Variants in GRM4 observed in about 807,000 individuals in gnomAD.
GRM4 encodes the protein glutamate metabotropic receptor 4, also known as metabotropic glutamate receptor 4.
GRM4 carries 28 observed loss-of-function variants against 81.7 expected under a neutral mutation model. That is an observed-to-expected ratio of 0.34 (90% CI 0.25 to 0.47). The LOEUF is 0.47. Ranked by LOEUF, GRM4 falls within the 20% of genes least tolerant of loss-of-function variation. The probability of loss-of-function intolerance (pLI) is 1.00; values close to 1 mark genes in which losing one functional copy is unlikely to be tolerated. For missense variants in GRM4, 948 were observed against 1,290.0 expected (o/e 0.73, Z 4.06); for synonymous variants, 488 against 528.8 (o/e 0.92, Z 1.06).
chr6:34,101,657 C>G (rs544832808), intron 2 of GRM4, among the ~76,000 whole-genome samples: 27 of 152,378 alleles, frequency 1.8e-4, no homozygotes, highest in Non-Finnish European at 3.1e-4. Flanking sequence ...GGCTGTCAAA[C>G]TAAGGGCTGA....
In GRM4 at chr6:34,090,486, G is replaced by A. The variant is rs111258430; in HGVS notation, c.736+1397C>T. Among the ~76,000 whole-genome samples, 5 of 152,216 alleles carry A rather than the reference G, an allele frequency of 3.3e-5. No individual in the cohort carries two copies. The highest frequency in any genetic ancestry group is 1.2e-4 in the African/African-American group (5 of 41,552). ...CTGGGCTCTGGGGCTCGGAGGCTCT[G>A]ACACTGTCCGCCAGGGTTCCCAGGT... On this transcript the variant is annotated intron_variant, in intron 3 of 10. Coordinates refer to ENST00000538487, the MANE Select transcript of GRM4 (RefSeq NM_000841.4). This position sits in a 1 kb window ranked among gnomAD's most constrained non-coding sequence, Gnocchi z 5.2.
intron 6 of GRM4, among the ~76,000 whole-genome samples, chr6:34,044,729 GACAT>G (rs138529365): frequency 0.068 from 6,201 of 90,536 alleles, 294 homozygotes; most frequent in African/African-American, 0.13. Flanking sequence ...TACACACACA[GACAT>G]ACATACATAC....
Position 34,070,496 on chromosome 6 carries a change from C to T in GRM4, c.737-8468G>A, listed in dbSNP as rs938600711. Among the ~76,000 whole-genome samples, 5 of 151,996 alleles carry T rather than the reference C, an allele frequency of 3.3e-5. No individual in the cohort carries two copies. The highest frequency in any genetic ancestry group is 7.4e-5 in the Non-Finnish European group (5 of 68,002). ...CTCAGTTGATAGTTTAAACTCCACC[C>T]GATAGGGCTAGTGTGAGGGCCCAGT... On this transcript the variant is annotated intron_variant, in intron 3 of 10. Transcript: ENST00000538487. This position sits in a 1 kb window ranked among gnomAD's most constrained non-coding sequence, Gnocchi z 4.6.
At chr6:34,029,899 G>A (rs1271398628) in intron 9 of GRM4, among the ~76,000 whole-genome samples, 1 of 152,352 alleles carries the variant, frequency 6.6e-6, no homozygotes. Flanking sequence ...GGGGAAGGAG[G>A]CCGAGAGTGG....
chr6:34,116,644 C>T (rs1039490365), intron 2 of GRM4, among the ~76,000 whole-genome samples: 1 of 152,150 alleles, frequency 6.6e-6, no homozygotes, highest in Non-Finnish European at 1.5e-5. Context: ...AACCTATGAG[C>T]CAACAATTCC....
At chr6:34,140,242 A>C (rs1321000468) in intron 1 of GRM4, among the ~76,000 whole-genome samples, 1 of 152,148 alleles carries the variant, frequency 6.6e-6, no homozygotes, top group Non-Finnish European at 1.5e-5. Context: ...GCAAGTGCAA[A>C]GGCCCTGAGG....
intron 6 of GRM4, chr6:34,054,393 C>T (rs1212725792): frequency 6.6e-6 from 1 of 151,802 alleles, no homozygotes; most frequent in African/African-American, 2.4e-5. Flanking sequence ...AACTCCTGAC[C>T]TCAGATGAAC....
chr6:34,076,410 C>T (rs1767316030), intron 3 of GRM4, among the ~76,000 whole-genome samples: 1 of 152,126 alleles, frequency 6.6e-6, no homozygotes, highest in South Asian at 2.1e-4. Context: ...TCCCGCAGGC[C>T]ACTCCTTTTG....
chr6:34,111,114 TAC>T lies in GRM4; in HGVS notation c.520-19017_520-19016del, dbSNP rs56326901. On this transcript the variant is annotated intron_variant, in intron 2 of 10. Coordinates refer to ENST00000538487, the MANE Select transcript of GRM4 (RefSeq NM_000841.4). The surrounding 1 kb of genome is among the most constrained non-coding windows in gnomAD (Gnocchi z 5.1). ...GAGGAGGAGACACACACAGGCCACA[TAC>T]ACACACACACACACACACACACACA... is the stretch of plus-strand genomic sequence containing the variant. 10,266 of 143,782 alleles carry T rather than the reference TAC, an allele frequency of 0.071. 711 individuals are homozygous for T. The highest frequency in any genetic ancestry group is 0.21 in the African/African-American group (7,564 of 36,518). The allele number at this position is 143,782 out of a possible 1,614,324, so 8.9% of individuals were successfully genotyped here.
chr6:34,072,131 ACAT>A (rs1766931293), intron 3 of GRM4, among the ~76,000 whole-genome samples: 1 of 78,880 alleles, frequency 1.3e-5, no homozygotes, highest in Non-Finnish European at 2.9e-5. Context: ...ACATAGACAC[ACAT>A]CACCACACAG....
rs773130931 is a variant in GRM4, at chr6:34,091,884, G to A, written c.735C>T (p.Asp245=). ...TCTGCGGCCAGGCGTTTGACTCACCGTCCTCACGGGACTTCTGGATGAAGG... is the reference window on the plus strand; with the variant it reads ...TCTGCGGCCAGGCGTTTGACTCACCATCCTCACGGGACTTCTGGATGAAGG... The part of the protein sequence containing the change: ...VEAFIQKSRE[D]GGVCIAQSVK... The change falls in exon 3 of 11, where the codon GAC becomes GAT. Residue 245 remains aspartate (D), a splice_region_variant and synonymous_variant. Coordinates refer to ENST00000538487, the MANE Select transcript of GRM4 (RefSeq NM_000841.4). The A allele has an allele frequency of 4.7e-5, 75 of 1,608,694 alleles. No individual in the cohort carries two copies. The highest frequency in any genetic ancestry group is 3.8e-4 in the East Asian group (17 of 44,854).
chr6:34,101,255 T>G (rs1768821894), intron 2 of GRM4, among the ~76,000 whole-genome samples: 1 of 152,208 alleles, frequency 6.6e-6, no homozygotes, highest in Non-Finnish European at 1.5e-5. Flanking sequence ...AGTAGCTTCA[T>G]GCACCTTAAC....
intron 7 of GRM4, 74 bp from the exon 8 acceptor site, chr6:34,040,388 CCT>C: frequency 6.6e-7 from 1 of 1,523,728 alleles, no homozygotes; most frequent in East Asian, 2.3e-5. Context: ...GGGGCAGAGA[CCT>C]CTCTGACACA....
At chr6:34,098,659 T>C (rs953698968) in intron 2 of GRM4, among the ~76,000 whole-genome samples, 10 of 152,234 alleles carry the variant, frequency 6.6e-5, no homozygotes, top group African/African-American at 2.4e-4. Flanking sequence ...GGCCCTCCAC[T>C]GCCGGCTCTC....
Position 34,133,837 on chromosome 6 carries a change from T to G in GRM4, c.-341A>C. 9.2e-7 allele frequency: 1 copy of G among 1,092,260 alleles called. No individual in the cohort carries two copies. The highest frequency in any genetic ancestry group is 1.1e-6 in the Non-Finnish European group (1 of 899,644). The allele number at this position is 1,092,260 out of a possible 1,614,324, so 67.7% of individuals were successfully genotyped here. ...ATCTTGGCATCAAGGAGAAAACAGC[T>G]CCAATCCTCTCCTCCTACCAACCTT... On this transcript the variant is annotated 5_prime_UTR_variant, in exon 2 of 11. Transcript: ENST00000538487. This position sits in a 1 kb window ranked among gnomAD's most constrained non-coding sequence, Gnocchi z 6.5.
At position 34,036,042 on chromosome 6, in the gene GRM4, C is replaced by A; in HGVS notation, c.2068G>T (p.Ala690Ser). Residue 690 changes from alanine to serine, a missense_variant, in exon 9 of 11, where the codon GCC becomes TCC. Physicochemically the swap from Ala to Ser is moderately conservative, Grantham distance 99 (BLOSUM62 1). Coordinates refer to ENST00000538487, the MANE Select transcript of GRM4 (RefSeq NM_000841.4). The surrounding 1 kb of genome is among the most constrained non-coding windows in gnomAD (Gnocchi z 9.0). ...IFEQGKRSVSAPRFISPASQL... is the reference protein window; with the variant it reads ...IFEQGKRSVSSPRFISPASQL... ...GAGGCGGGGCTGATGAAGCGTGGGG[C>A]ACTGACCGAGCGCTTGCCCTGCTCG... 1 of 1,614,090 alleles carries A rather than the reference C, an allele frequency of 6.2e-7. No homozygotes were observed. Among genetic ancestry groups the A allele is most frequent in the Non-Finnish European group, 8.5e-7 (1 of 1,180,012 alleles).
At chr6:34,102,075 T>C (rs1392290377) in intron 2 of GRM4, 2 of 1,535,596 alleles carry the variant, frequency 1.3e-6, no homozygotes, top group Non-Finnish European at 1.7e-6. Context: ...CTCTTTTTTC[T>C]CTTGGCGCCA....
chr6:34,146,863 G>C (rs955761306), upstream of GRM4, among the ~76,000 whole-genome samples: 3 of 152,092 alleles, frequency 2.0e-5, no homozygotes, highest in Admixed American at 6.5e-5. Context: ...GGAATAACAG[G>C]GACAGACCCC....
chr6:34,147,890 T>C (rs1024074173), upstream of GRM4, among the ~76,000 whole-genome samples: 54 of 143,220 alleles, frequency 3.8e-4, no homozygotes, highest in Middle Eastern at 3.3e-3. Flanking sequence ...GAATCCTCAA[T>C]ATACTTTTGT....
Sources: gnomAD v4.1 joint callset for allele counts (sites outside exome capture counted in the v4.1 genomes callset) on GRCh38, gnomAD v4.1.1 for gene constraint, Gnocchi (gnomAD v3.1) non-coding constraint, MANE v1.5 for transcripts, NCBI Gene and HGNC (gene_info 2026-07-23, HGNC 2026-07-21) for gene names.